Variants in EHHADH observed in about 807,000 individuals in gnomAD.
The protein encoded by EHHADH is enoyl-CoA hydratase and 3-hydroxyacyl CoA dehydrogenase.
EHHADH carries 48 observed loss-of-function variants against 64.4 expected under a neutral mutation model. That is an observed-to-expected ratio of 0.75 (90% CI 0.59 to 0.95). The LOEUF is 0.95. EHHADH is among the 40% of genes least tolerant of loss of function. EHHADH has a pLI of 0.00. For synonymous variants in EHHADH, 308 were observed against 326.7 expected, an observed-to-expected ratio of 0.94 and a Z score of 0.62; for missense variants, 854 against 876.6, an observed-to-expected ratio of 0.97 and a Z score of 0.33.
intron 3 of EHHADH, among the ~76,000 whole-genome samples, chr3:185,232,821 A>G (rs1181794029): frequency 6.6e-6 from 1 of 152,266 alleles, no homozygotes; most frequent in African/African-American, 2.4e-5. Context: ...GCCAGAAGGC[A>G]TGAAATAACA....
intron 6 of EHHADH, among the ~76,000 whole-genome samples, chr3:185,203,258 G>A (rs1028370617): frequency 6.6e-6 from 1 of 151,458 alleles, no homozygotes; most frequent in Non-Finnish European, 1.5e-5. Flanking sequence ...AAGAGAGAGG[G>A]AAATAAAACA....
chr3:185,218,880 G>A (rs6786887), intron 4 of EHHADH, among the ~76,000 whole-genome samples: 120,382 of 151,934 alleles, frequency 0.79, 48,514 homozygotes, highest in Non-Finnish European at 0.87. Flanking sequence ...AAAATTAACT[G>A]GGCATGGTAG....
chr3:185,237,810 A>G (rs1719338022), intron 2 of EHHADH, among the ~76,000 whole-genome samples: 1 of 152,206 alleles, frequency 6.6e-6, no homozygotes, highest in African/African-American at 2.4e-5. Context: ...TTACACAGAT[A>G]TATTGCATAA....
At chr3:185,236,790 C>G (rs973583274) in intron 2 of EHHADH, among the ~76,000 whole-genome samples, 2 of 152,078 alleles carry the variant, frequency 1.3e-5, no homozygotes, top group African/African-American at 2.4e-5. Flanking sequence ...AAGTCTCAAG[C>G]CTATCATTCC....
chr3:185,252,403 C>A (rs1253533257), intron 1 of EHHADH, among the ~76,000 whole-genome samples: 4 of 145,400 alleles, frequency 2.8e-5, no homozygotes, highest in Admixed American at 2.1e-4. Flanking sequence ...CGTCTCAAAA[C>A]AAGCAAATGA....
chr3:185,217,004 A>G (rs946741373), intron 5 of EHHADH, among the ~76,000 whole-genome samples: 3 of 127,452 alleles, frequency 2.4e-5, no homozygotes, highest in African/African-American at 8.6e-5. Flanking sequence ...AGAGAAGGAC[A>G]TAACTCAGTT....
chr3:185,246,597 C>T (rs1184544779), intron 2 of EHHADH, among the ~76,000 whole-genome samples: 4 of 152,206 alleles, frequency 2.6e-5, no homozygotes, highest in Non-Finnish European at 5.9e-5. Context: ...GCTACAGTAT[C>T]TGCAATGATA....
intron 5 of EHHADH, among the ~76,000 whole-genome samples, chr3:185,212,144 C>T (rs1431195065): frequency 6.6e-6 from 1 of 152,214 alleles, no homozygotes; most frequent in Non-Finnish European, 1.5e-5. Context: ...AACAGGAGTT[C>T]TTAGTTCAGA....
chr3:185,240,857 A>G (rs976027910), intron 2 of EHHADH, among the ~76,000 whole-genome samples: 2 of 151,970 alleles, frequency 1.3e-5, no homozygotes, highest in African/African-American at 4.8e-5. Context: ...GTTTGGTTAC[A>G]TAAGTAACTT....
intron 5 of EHHADH, among the ~76,000 whole-genome samples, chr3:185,217,056 TA>T (rs1257647081): frequency 1.3e-5 from 2 of 152,018 alleles, no homozygotes; most frequent in African/African-American, 2.4e-5. Context: ...TTTACTGCGG[TA>T]AATTATAGAG....
intron 5 of EHHADH, among the ~76,000 whole-genome samples, chr3:185,211,398 T>C (rs1323847364): frequency 1.3e-5 from 2 of 152,206 alleles, no homozygotes; most frequent in Admixed American, 6.5e-5. Flanking sequence ...ACATTTTTGA[T>C]AAAAAAGATA....
At position 185,204,700 on chromosome 3, in the gene EHHADH, A is replaced by G. The variant is rs1560009139; in HGVS notation, c.626T>C (p.Met209Thr). Residue 209 changes from methionine (M) to threonine (T), a missense_variant, in exon 6 of 7, where the codon ATG becomes ACG. Coordinates refer to ENST00000231887, the MANE Select transcript of EHHADH (RefSeq NM_001966.4). ...CNKPIQSLPN[M>T]DSIFSEALLK... Reference sequence around the variant, plus strand: ...GAGGGCCTCACTAAAAATGCTGTCCATGTTGGGCAAGCTCTGAATTGGCTT... The same window carrying G: ...GAGGGCCTCACTAAAAATGCTGTCCGTGTTGGGCAAGCTCTGAATTGGCTT... The G allele has an allele frequency of 2.5e-6, 4 of 1,614,136 alleles. No individual in the cohort carries two copies. Among genetic ancestry groups the G allele is most frequent in the East Asian group, 4.5e-5 (2 of 44,880 alleles).
intron 1 of EHHADH, among the ~76,000 whole-genome samples, chr3:185,253,443 T>C (rs1187520396): frequency 9.4e-5 from 12 of 127,558 alleles, no homozygotes; most frequent in Non-Finnish European, 1.5e-4. Flanking sequence ...GGGGGAGGGA[T>C]AGCATTAGGA....
intron 2 of EHHADH, among the ~76,000 whole-genome samples, chr3:185,241,169 C>T (rs550697404): frequency 2.6e-5 from 4 of 152,190 alleles, no homozygotes; most frequent in South Asian, 2.1e-4. Flanking sequence ...AGTATTCCAT[C>T]GTATAAAAAT....
At chr3:185,197,075 T>C (rs1157810635) in intron 6 of EHHADH, among the ~76,000 whole-genome samples, 1 of 151,338 alleles carries the variant, frequency 6.6e-6, no homozygotes, top group African/African-American at 2.4e-5. Context: ...ATGTCCAGAA[T>C]AGGCAAATCC....
intron 3 of EHHADH, 64 bp from the exon 4 acceptor site, chr3:185,229,607 C>T (rs1301980046): frequency 1.2e-5 from 13 of 1,040,490 alleles, no homozygotes; most frequent in South Asian, 8.9e-5. Context: ...TTAAGGCAAG[C>T]GTTTCCCTGG....
At chr3:185,217,547 G>GGA (rs1553777834) in intron 5 of EHHADH, among the ~76,000 whole-genome samples, 5 of 88,106 alleles carry the variant, frequency 5.7e-5, no homozygotes, top group South Asian at 5.3e-4. Context: ...CTCTGTCTCA[G>GGA]AAAAAAAAAA....
rs1029210128 is a variant in EHHADH at position 185,191,345 on chromosome 3, G to A, written c.*881C>T. On this transcript the variant is annotated 3_prime_UTR_variant, in exon 7 of 7. Coordinates refer to ENST00000231887, the MANE Select transcript of EHHADH (RefSeq NM_001966.4). ...TCTATTCATTAGTTCATAGACATTT[G>A]GGTTGTATTCAGCTTTTGGCCATTA... The A allele has an allele frequency of 6.6e-6, 1 of 152,040 alleles. No individual in the cohort carries two copies. The highest frequency in any genetic ancestry group is 1.5e-5 in the Non-Finnish European group (1 of 68,022). The allele number at this position is 152,040 out of a possible 1,614,324, so 9.4% of individuals were successfully genotyped here. A position where few individuals can be genotyped will look rare whatever the true frequency, so the allele number is the denominator to read the frequency against.
Position 185,191,989 on chromosome 3 carries a change from G to T in EHHADH, c.*237C>A, listed in dbSNP as rs150024985. The T allele has an allele frequency of 3.7e-3, 1,899 of 509,284 alleles. 34 individuals carry two copies. The highest frequency in any genetic ancestry group is 0.032 in the African/African-American group (1,675 of 51,886). 31.5% of individuals were successfully genotyped at this position (509,284 alleles called of 1,614,324 possible). On this transcript the variant is annotated 3_prime_UTR_variant, in exon 7 of 7. Transcript: ENST00000231887. ...TGAGCCTCTTTCATTAGCTATTATGGTATTATATTCACACAAGTTCATGCA... is the reference window on the plus strand; with the variant it reads ...TGAGCCTCTTTCATTAGCTATTATGTTATTATATTCACACAAGTTCATGCA...
Sources: allele counts gnomAD v4.1 joint callset (sites outside exome capture counted in the v4.1 genomes callset), GRCh38; gene constraint gnomAD v4.1.1; transcripts MANE v1.5; gene names NCBI Gene and HGNC (gene_info 2026-07-23, HGNC 2026-07-21).